STK39: variants seen among roughly 807,000 people sequenced by gnomAD.
STK39 encodes the protein serine/threonine kinase 39.
Under a neutral mutation model 77.8 loss-of-function variants are expected in STK39, and 20 were observed. The observed-to-expected ratio is 0.26, with a 90% CI of 0.18 to 0.37. The LOEUF is 0.37. STK39 is among the 10% of genes least tolerant of loss of function. The probability of loss-of-function intolerance (pLI) is 1.00; values close to 1 mark genes in which losing one functional copy is unlikely to be tolerated. For synonymous variants in STK39, 246 were observed against 234.1 expected, an observed-to-expected ratio of 1.05 and a Z score of -0.47; for missense variants, 479 against 656.5, an observed-to-expected ratio of 0.73 and a Z score of 2.95.
intron 17 of STK39, among the ~76,000 whole-genome samples, chr2:167,958,250 A>G (rs762186239): frequency 1.3e-5 from 2 of 152,236 alleles, no homozygotes; most frequent in Non-Finnish European, 2.9e-5. Flanking sequence ...TAAAGCTGAG[A>G]GATTTAAAAA....
At chr2:168,213,467 T>TA (rs954708340) in intron 1 of STK39, among the ~76,000 whole-genome samples, 20 of 150,932 alleles carry the variant, frequency 1.3e-4, no homozygotes, top group African/African-American at 2.2e-4. Context: ...TTTTTCCTAT[T>TA]AAAAAAAAAT....
chr2:168,171,469 T>A (rs80265589), intron 2 of STK39, among the ~76,000 whole-genome samples: 50,564 of 132,484 alleles, frequency 0.38, 9,565 homozygotes, highest in East Asian at 0.61. Flanking sequence ...GAACTGAAAA[T>A]AAAAAAAGGG....
At chr2:168,187,647 C>A (rs1474084237) in intron 1 of STK39, among the ~76,000 whole-genome samples, 1 of 152,210 alleles carries the variant, frequency 6.6e-6, no homozygotes, top group Non-Finnish European at 1.5e-5. Flanking sequence ...AACTGGTGTC[C>A]TGTCAATCTG....
chr2:167,966,609 G>C (rs1030660531), intron 16 of STK39, among the ~76,000 whole-genome samples: 8 of 151,986 alleles, frequency 5.3e-5, no homozygotes, highest in African/African-American at 1.9e-4. Flanking sequence ...CCTCTCTCCG[G>C]TGTACACGTA....
intron 5 of STK39, among the ~76,000 whole-genome samples, chr2:168,155,753 T>A (rs1392069273): frequency 1.3e-5 from 2 of 152,230 alleles, no homozygotes; most frequent in East Asian, 1.9e-4. Context: ...CTTTAAAATA[T>A]GCAGTAGTAT....
chr2:168,058,962 C>G lies in STK39; in HGVS notation c.1376+4538G>C, dbSNP rs942062978. 3.3e-5 allele frequency among the ~76,000 whole-genome samples: 5 copies of G among 152,328 alleles called. No homozygotes were observed. In the East Asian group the frequency reaches 7.7e-4, roughly 24 times the overall value. Reference sequence around the variant, plus strand: ...TAACAGTAAAATCCAAAGTCTTCACCACAGGCTACACAGCCCTACGTGATT... The same window carrying G: ...TAACAGTAAAATCCAAAGTCTTCACGACAGGCTACACAGCCCTACGTGATT... On this transcript the variant is annotated intron_variant, in intron 14 of 17. Coordinates refer to ENST00000355999, the MANE Select transcript of STK39 (RefSeq NM_013233.3).
intron 14 of STK39, among the ~76,000 whole-genome samples, chr2:168,033,500 ATG>A (rs1159046086): frequency 2.6e-5 from 4 of 152,216 alleles, no homozygotes; most frequent in African/African-American, 9.7e-5. Context: ...GCCTTGGTAT[ATG>A]TAGCAGAGCT....
At chr2:168,208,806 C>G (rs1689809136) in intron 1 of STK39, among the ~76,000 whole-genome samples, 1 of 152,214 alleles carries the variant, frequency 6.6e-6, no homozygotes, top group Admixed American at 6.5e-5. Flanking sequence ...CATGACTCTT[C>G]CCCTCCTGCT....
chr2:168,229,086 T>C (rs528947321), intron 1 of STK39, among the ~76,000 whole-genome samples: 3 of 152,198 alleles, frequency 2.0e-5, no homozygotes, highest in South Asian at 2.1e-4. Context: ...AAAGGTAAAA[T>C]AGGCCAGGCG....
chr2:168,108,195 G>A (rs1482817489), intron 10 of STK39, among the ~76,000 whole-genome samples: 2 of 152,092 alleles, frequency 1.3e-5, no homozygotes, highest in Non-Finnish European at 2.9e-5. Context: ...GTCTTGACTC[G>A]ACGGTATACC....
At chr2:168,205,915 T>C (rs1410548580) in intron 1 of STK39, among the ~76,000 whole-genome samples, 4 of 152,228 alleles carry the variant, frequency 2.6e-5, no homozygotes, top group Admixed American at 6.5e-5. Context: ...TGGCAAATTT[T>C]TGAAAAAGTG....
At chr2:168,137,815 T>C (rs1687877524) in intron 8 of STK39, among the ~76,000 whole-genome samples, 1 of 152,214 alleles carries the variant, frequency 6.6e-6, no homozygotes. Flanking sequence ...TTTACTTCAT[T>C]TCCTTTGATG....
chr2:168,095,148 C>A (rs887747909), intron 10 of STK39, among the ~76,000 whole-genome samples: 1 of 152,194 alleles, frequency 6.6e-6, no homozygotes. Flanking sequence ...CTACTGTTCA[C>A]TCCTGAGCCA....
At chr2:167,959,580 CA>C (rs1691885665) in intron 17 of STK39, among the ~76,000 whole-genome samples, 2 of 152,104 alleles carry the variant, frequency 1.3e-5, no homozygotes. Flanking sequence ...TAGGTAAGCT[CA>C]AACCAAACAA....
Position 168,085,710 on chromosome 2 carries a change from T to C in STK39, c.1090-10479A>G, listed in dbSNP as rs1004906833. ...GATAGCAAATTGTTTTTTCCAAAGA[T>C]GCCCATGACAATATCTCCTGCCCCA... On this transcript the variant is annotated intron_variant, in intron 10 of 17. Coordinates refer to ENST00000355999, the MANE Select transcript of STK39 (RefSeq NM_013233.3). Among the ~76,000 whole-genome samples, 5 of 152,328 alleles carry C rather than the reference T, an allele frequency of 3.3e-5. No individual in the cohort carries two copies. In the East Asian group the frequency reaches 7.7e-4, roughly 23 times the overall value.
At chr2:168,215,751 G>A (rs978442718) in intron 1 of STK39, among the ~76,000 whole-genome samples, 17 of 152,106 alleles carry the variant, frequency 1.1e-4, no homozygotes, top group Non-Finnish European at 4.4e-5. Context: ...GAGGAAAGGG[G>A]GAAAAAATGG....
chr2:167,999,160 A>G (rs1559050717), intron 16 of STK39, among the ~76,000 whole-genome samples: 1 of 152,180 alleles, frequency 6.6e-6, no homozygotes. Flanking sequence ...CAGCTTTTAC[A>G]AAATCCATTA....
chr2:168,179,525 A>T (rs1488853454), intron 2 of STK39, among the ~76,000 whole-genome samples: 3 of 152,236 alleles, frequency 2.0e-5, no homozygotes, highest in African/African-American at 7.2e-5. Flanking sequence ...CAAAGCAATA[A>T]ATCAATATAA....
At chr2:168,177,728 A>C (rs527397791) in intron 2 of STK39, among the ~76,000 whole-genome samples, 1 of 152,336 alleles carries the variant, frequency 6.6e-6, no homozygotes. Context: ...ATCACAAACC[A>C]GAGAGCCAAG....
Sources: gnomAD v4.1 joint callset for allele counts (sites outside exome capture counted in the v4.1 genomes callset) on GRCh38, gnomAD v4.1.1 for gene constraint, MANE v1.5 for transcripts, NCBI Gene and HGNC (gene_info 2026-07-23, HGNC 2026-07-21) for gene names.